The following PREX2 variants were observed in gnomAD, a reference collection of about 807,000 sequenced individuals.
PREX2 encodes the protein phosphatidylinositol 3,4,5-trisphosphate-dependent Rac exchanger 2 protein.
PREX2 carries 107 observed loss-of-function variants against 203.2 expected under a neutral mutation model. The observed-to-expected ratio is 0.53, with a 90% CI of 0.45 to 0.62. The LOEUF (loss-of-function observed/expected upper bound fraction) is 0.62, where lower values mean the gene tolerates loss of function less well. PREX2 is among the 20% of genes least tolerant of loss of function. The pLI is 0.00. For synonymous variants in PREX2, 672 were observed against 663.6 expected (o/e 1.01, Z -0.19); for missense variants, 1,777 against 1,955.9 (o/e 0.91, Z 1.72).
At chr8:67,993,903 C>T (rs1465673330) in intron 1 of PREX2, among the ~76,000 whole-genome samples, 2 of 152,024 alleles carry the variant, frequency 1.3e-5, no homozygotes, top group East Asian at 3.9e-4. Context: ...GGGCTTTGAT[C>T]TAGGATTCGA....
intron 35 of PREX2, among the ~76,000 whole-genome samples, chr8:68,173,662 T>G (rs1320973128): frequency 6.6e-6 from 1 of 152,178 alleles, no homozygotes. Flanking sequence ...AGATTAGAAT[T>G]GTTTACCTAT....
chr8:68,217,255 A>G (rs74367831), intron 37 of PREX2, among the ~76,000 whole-genome samples: 12,021 of 152,248 alleles, frequency 0.079, 892 homozygotes, highest in East Asian at 0.3. Context: ...ATCAATATGT[A>G]GAAGTTAATG....
rs9298129 is a variant in PREX2, at chr8:68,135,099, T to TTGTG, written c.3984+846_3984+849dup. ...ACATGTTTGAGCTTAAAAACAAATT[T>TTGTG]TGTGTGTGTGTGTGTGTGTGTGTGT... On this transcript the variant is annotated intron_variant, in intron 32 of 39. Coordinates refer to ENST00000288368, the MANE Select transcript of PREX2 (RefSeq NM_024870.4). Among the ~76,000 whole-genome samples, 945 of 148,890 alleles carry TTGTG rather than the reference T, an allele frequency of 6.3e-3. 12 individuals are homozygous for TTGTG. The highest frequency in any genetic ancestry group is 0.022 in the African/African-American group (881 of 40,576).
intron 1 of PREX2, among the ~76,000 whole-genome samples, chr8:67,961,871 A>G (rs1287607764): frequency 6.6e-6 from 1 of 152,180 alleles, no homozygotes; most frequent in Non-Finnish European, 1.5e-5. Flanking sequence ...AGCCAAGGAC[A>G]TTGTGTTTTG....
At chr8:67,958,755 G>A (rs1805555478) in intron 1 of PREX2, among the ~76,000 whole-genome samples, 1 of 152,194 alleles carries the variant, frequency 6.6e-6, no homozygotes, top group Admixed American at 6.5e-5. Context: ...ACTCTCAGAA[G>A]TGGAGGTTTA....
chr8:68,191,815 G>A (rs370425398), intron 36 of PREX2, 27 bp downstream of exon 36: 220 of 1,447,328 alleles, frequency 1.5e-4, no homozygotes, highest in Non-Finnish European at 1.8e-4. Context: ...ATATTTATTG[G>A]TGCTTTTTAA....
Position 68,118,604 on chromosome 8 carries a change from C to A in PREX2, c.3381C>A (p.Ser1127Arg). ...CCTCCTTCACCAGCATCTGCAGCAG[C>A]CAGTGCAGCTCGTATTTCCACAGTG... ...SIASFTSICSSQCSSYFHSDE... is the reference protein window; with the variant it reads ...SIASFTSICSRQCSSYFHSDE... Residue 1127 changes from serine (S) to arginine (R), a missense_variant, in exon 27 of 40, where the codon AGC (serine) becomes AGA (arginine). Transcript: ENST00000288368. 1 of 1,614,042 alleles carries A rather than the reference C, an allele frequency of 6.2e-7. No individual in the cohort carries two copies. Among genetic ancestry groups the A allele is most frequent in the Non-Finnish European group, 8.5e-7 (1 of 1,179,950 alleles).
chr8:68,194,698 G>A (rs557912447), intron 37 of PREX2, among the ~76,000 whole-genome samples: 2 of 152,094 alleles, frequency 1.3e-5, no homozygotes, highest in Admixed American at 1.3e-4. Context: ...CTACTCGGGA[G>A]GCTGAGGCAG....
chr8:68,066,622 T>C (rs1453312948), intron 11 of PREX2, among the ~76,000 whole-genome samples: 2 of 152,154 alleles, frequency 1.3e-5, no homozygotes, highest in Non-Finnish European at 2.9e-5. Flanking sequence ...ATTTGCCTCC[T>C]ACTGAATATA....
chr8:67,982,096 G>A (rs1206087198), intron 1 of PREX2, among the ~76,000 whole-genome samples: 1 of 152,166 alleles, frequency 6.6e-6, no homozygotes, highest in Non-Finnish European at 1.5e-5. Context: ...GTGACCTCAG[G>A]AAAGTTATGT....
intron 23 of PREX2, 46 bp downstream of exon 23, chr8:68,099,889 A>G (rs1253029072): frequency 1.4e-6 from 2 of 1,450,984 alleles, no homozygotes; most frequent in South Asian, 2.3e-5. Context: ...TGAAATTATT[A>G]TTTGAATGTC....
At chr8:68,207,793 A>C (rs761197945) in intron 37 of PREX2, among the ~76,000 whole-genome samples, 7 of 152,056 alleles carry the variant, frequency 4.6e-5, no homozygotes, top group Non-Finnish European at 1.0e-4. Context: ...CCAGGGTCCA[A>C]CTCAGGAAAT....
At chr8:68,060,278 TAA>T (rs1216278228) in intron 10 of PREX2, among the ~76,000 whole-genome samples, 1 of 152,222 alleles carries the variant, frequency 6.6e-6, no homozygotes, top group Non-Finnish European at 1.5e-5. Context: ...CTCTTTATAT[TAA>T]GTTATTACTA....
chr8:68,220,725 TCA>T (rs1021202906), intron 38 of PREX2, among the ~76,000 whole-genome samples: 4 of 152,174 alleles, frequency 2.6e-5, no homozygotes, highest in East Asian at 1.9e-4. Context: ...CATTTTTGTA[TCA>T]CAGTTTCCCA....
intron 1 of PREX2, among the ~76,000 whole-genome samples, chr8:67,999,478 C>CAAAAAAA (rs58916146): frequency 0.039 from 3,539 of 90,634 alleles, 315 homozygotes; most frequent in Non-Finnish European, 0.047. Context: ...GCCAACAAAC[C>CAAAAAAA]AAAAAAAAAA....
chr8:68,052,252 C>T (rs1465790253), intron 8 of PREX2, among the ~76,000 whole-genome samples: 3 of 152,102 alleles, frequency 2.0e-5, no homozygotes, highest in African/African-American at 7.2e-5. Context: ...CTGACTCAGG[C>T]CTCTGTCGTA....
intron 21 of PREX2, among the ~76,000 whole-genome samples, 180 bp from the exon 22 acceptor site, chr8:68,096,837 A>G (rs1049328317): frequency 2.6e-5 from 4 of 152,326 alleles, no homozygotes; most frequent in Middle Eastern, 3.4e-3. Context: ...ACTCAAGCAT[A>G]TGCTTTTCTC....
At chr8:68,026,406 C>T (rs1003585649) in intron 4 of PREX2, among the ~76,000 whole-genome samples, 1 of 152,056 alleles carries the variant, frequency 6.6e-6, no homozygotes, top group Non-Finnish European at 1.5e-5. Context: ...CTCTCTCTTC[C>T]CTCTGTTAGA....
chr8:68,042,440 G>A (rs1453397018), intron 7 of PREX2, among the ~76,000 whole-genome samples: 1 of 151,958 alleles, frequency 6.6e-6, no homozygotes, highest in African/African-American at 2.4e-5. Context: ...TTTATAATTT[G>A]TATTCAACAT....
Sources: allele counts gnomAD v4.1 joint callset (sites outside exome capture counted in the v4.1 genomes callset), GRCh38; gene constraint gnomAD v4.1.1; transcripts MANE v1.5; gene names NCBI Gene and HGNC (gene_info 2026-07-23, HGNC 2026-07-21).